The following MDGA2 variants were observed in gnomAD, a reference collection of about 807,000 sequenced individuals.
MDGA2 encodes MAM domain-containing glycosylphosphatidylinositol anchor protein 2.
Under a neutral mutation model 117.8 loss-of-function variants are expected in MDGA2, and 40 were observed. The observed-to-expected ratio is 0.34, with a 90% confidence interval of 0.26 to 0.44. The LOEUF is 0.44. Ranked by LOEUF, MDGA2 falls within the 20% of genes least tolerant of loss-of-function variation. MDGA2 has a pLI of 1.00. For missense variants in MDGA2, 1,123 were observed against 1,250.6 expected, an observed-to-expected ratio of 0.90 and a Z score of 1.54; for synonymous variants, 452 against 439.0, an observed-to-expected ratio of 1.03 and a Z score of -0.37.
At chr14:47,450,270 G>T (rs984171342) in intron 1 of MDGA2, among the ~76,000 whole-genome samples, 2 of 151,888 alleles carry the variant, frequency 1.3e-5, no homozygotes, top group Admixed American at 6.6e-5. Flanking sequence ...TTGTAGAGTT[G>T]TCACTTTTCT....
At chr14:47,434,632 T>C (rs1022769315) in intron 1 of MDGA2, among the ~76,000 whole-genome samples, 2 of 152,172 alleles carry the variant, frequency 1.3e-5, no homozygotes, top group Non-Finnish European at 2.9e-5. Context: ...CCTAAGGATG[T>C]CTGAGATGTT....
At chr14:47,108,053 T>A (rs1258019231) in intron 5 of MDGA2, among the ~76,000 whole-genome samples, 3 of 149,094 alleles carry the variant, frequency 2.0e-5, no homozygotes, top group Admixed American at 6.7e-5. Context: ...AACCTTTATA[T>A]CCCTTATGGT....
Position 46,918,760 on chromosome 14 carries a change from C to CTTTTTTTTTTTTTTTTTTTTTT in MDGA2, c.2238+1251_2238+1252insAAAAAAAAAAAAAAAAAAAAAA, listed in dbSNP as rs34958634. On this transcript the variant is annotated intron_variant, in intron 10 of 16. Transcript: ENST00000399232. ...TAAGAATATGCTACATACAGTGTAT[C>CTTTTTTTTTTTTTTTTTTTTTT]TTTTTTTTTTTTTTTTTGGAATCGG... Among the ~76,000 whole-genome samples the CTTTTTTTTTTTTTTTTTTTTTT allele has an allele frequency of 1.1e-4, 14 of 124,764 alleles. 1 individual carries two copies. The highest frequency in any genetic ancestry group is 2.5e-4 in the South Asian group (1 of 3,996). 81.9% of individuals were successfully genotyped at this position (124,764 alleles called of 152,430 possible).
At chr14:47,255,675 G>A (rs1214404322) in intron 2 of MDGA2, among the ~76,000 whole-genome samples, 1 of 151,954 alleles carries the variant, frequency 6.6e-6, no homozygotes, top group East Asian at 1.9e-4. Flanking sequence ...ACTTAAAAAT[G>A]ATAATTTGGT....
intron 8 of MDGA2, among the ~76,000 whole-genome samples, chr14:46,987,148 T>G (rs986673173): frequency 1.3e-5 from 2 of 152,078 alleles, no homozygotes; most frequent in African/African-American, 4.8e-5. Context: ...ATAAATTTAT[T>G]GACAGAAAAC....
At position 47,043,120 on chromosome 14, in the gene MDGA2, C is replaced by T. The variant is rs552000281; in HGVS notation, c.1526-7816G>A. On this transcript the variant is annotated intron_variant, in intron 7 of 16. Coordinates refer to ENST00000399232, the MANE Select transcript of MDGA2 (RefSeq NM_001113498.3). Reference sequence around the variant, plus strand: ...CCCATTTCCAGTATGATTATAACCGCGTGTCAATTTTTAAAATACAGTAAT... The same window carrying T: ...CCCATTTCCAGTATGATTATAACCGTGTGTCAATTTTTAAAATACAGTAAT... 8.6e-5 allele frequency among the ~76,000 whole-genome samples: 13 copies of T among 151,928 alleles called. No individual in the cohort carries two copies. The South Asian group carries it at 2.1e-3, about 24-fold the overall frequency.
chr14:47,429,710 T>C (rs1350135601), intron 1 of MDGA2, among the ~76,000 whole-genome samples: 2 of 152,072 alleles, frequency 1.3e-5, no homozygotes, highest in South Asian at 2.1e-4. Context: ...AGACATTTTA[T>C]TGAGTTCCTC....
At chr14:46,857,920 T>C (rs1414252669) in intron 14 of MDGA2, among the ~76,000 whole-genome samples, 1 of 152,176 alleles carries the variant, frequency 6.6e-6, no homozygotes, top group Non-Finnish European at 1.5e-5. Context: ...CCCAAAGTTT[T>C]TGGGATTACA....
chr14:47,665,559 C>G (rs371888799), intron 1 of MDGA2, among the ~76,000 whole-genome samples: 1 of 152,122 alleles, frequency 6.6e-6, no homozygotes, highest in Non-Finnish European at 1.5e-5. Context: ...ACCAGGGCTG[C>G]GCTGGGCACT....
intron 1 of MDGA2, among the ~76,000 whole-genome samples, chr14:47,646,683 A>G (rs1233968695): frequency 6.6e-6 from 1 of 151,432 alleles, no homozygotes; most frequent in African/African-American, 2.5e-5. Flanking sequence ...TCTATGAATA[A>G]AAGTTTTTCT....
intron 6 of MDGA2, among the ~76,000 whole-genome samples, chr14:47,066,450 C>G (rs1337098656): frequency 6.6e-6 from 1 of 152,092 alleles, no homozygotes; most frequent in African/African-American, 2.4e-5. Flanking sequence ...CTCAAGGATT[C>G]AGTGATTTTG....
chr14:47,561,149 T>TG (rs370439749), intron 1 of MDGA2, among the ~76,000 whole-genome samples: 38,623 of 100,630 alleles, frequency 0.38, 8,819 homozygotes, highest in South Asian at 0.59. Context: ...TTGTTTTTTT[T>TG]TTTGTTTTGT....
intron 1 of MDGA2, among the ~76,000 whole-genome samples, chr14:47,557,032 T>A (rs1895697207): frequency 6.6e-6 from 1 of 152,184 alleles, no homozygotes; most frequent in South Asian, 2.1e-4. Flanking sequence ...CTCAGCAAGC[T>A]CCACAATGGC....
At chr14:47,383,173 G>A (rs1212945835) in intron 1 of MDGA2, among the ~76,000 whole-genome samples, 1 of 152,138 alleles carries the variant, frequency 6.6e-6, no homozygotes, top group Non-Finnish European at 1.5e-5. Context: ...TTGGACACAG[G>A]ATGGGGATTA....
intron 1 of MDGA2, among the ~76,000 whole-genome samples, chr14:47,673,671 C>T (rs866060597): frequency 6.9e-4 from 65 of 94,480 alleles, no homozygotes; most frequent in Middle Eastern, 5.3e-3. Flanking sequence ...TGTGTGTGTG[C>T]TTCCATCCTG....
intron 1 of MDGA2, among the ~76,000 whole-genome samples, chr14:47,526,945 C>T (rs1894984743): frequency 6.6e-6 from 1 of 152,190 alleles, no homozygotes; most frequent in Non-Finnish European, 1.5e-5. Context: ...TGAGTTTTCA[C>T]CCACGTCTCC....
intron 2 of MDGA2, among the ~76,000 whole-genome samples, chr14:47,252,396 C>G (rs750592287): frequency 2.6e-5 from 4 of 152,082 alleles, no homozygotes; most frequent in Non-Finnish European, 4.4e-5. Context: ...AATACACACA[C>G]AAGTCCCTTC....
chr14:47,555,667 C>A (rs1172001053), intron 1 of MDGA2, among the ~76,000 whole-genome samples: 1 of 152,086 alleles, frequency 6.6e-6, no homozygotes, highest in African/African-American at 2.4e-5. Context: ...GAAAATAGAG[C>A]AATAGTGAAT....
intron 5 of MDGA2, among the ~76,000 whole-genome samples, chr14:47,100,486 C>G (rs534597273): frequency 6.6e-6 from 1 of 152,196 alleles, no homozygotes; most frequent in South Asian, 2.1e-4. Flanking sequence ...TCATAGAGGT[C>G]ATAAATTCCC....
Sources: allele counts gnomAD v4.1 joint callset (sites outside exome capture counted in the v4.1 genomes callset), GRCh38; gene constraint gnomAD v4.1.1; transcripts MANE v1.5; gene names NCBI Gene and HGNC (gene_info 2026-07-23, HGNC 2026-07-21).